Variants in RGS7 observed in about 807,000 individuals in gnomAD.
The protein encoded by RGS7 is regulator of G protein signaling 7.
In RGS7, 27 loss-of-function variants were observed where a neutral mutation model predicts 81.1. The observed-to-expected ratio is 0.33, with a 90% CI of 0.25 to 0.46. The LOEUF (loss-of-function observed/expected upper bound fraction) is 0.46. Ranked by LOEUF, RGS7 falls within the 20% of genes least tolerant of loss-of-function variation. The pLI is 1.00. For synonymous variants in RGS7, 208 were observed against 207.7 expected (o/e 1.00, Z -0.01); for missense variants, 396 against 607.4 (o/e 0.65, Z 3.66).
At chr1:241,023,691 G>A (rs1324364228) in intron 3 of RGS7, among the ~76,000 whole-genome samples, 2 of 152,156 alleles carry the variant, frequency 1.3e-5, no homozygotes, top group African/African-American at 4.8e-5. Context: ...TTCCTTGCCT[G>A]TTTACATTGT....
At chr1:241,066,547 C>A (rs1327098780) in intron 3 of RGS7, among the ~76,000 whole-genome samples, 1 of 152,200 alleles carries the variant, frequency 6.6e-6, no homozygotes, top group Non-Finnish European at 1.5e-5. Context: ...ATTAGCAACA[C>A]TGTGTGCTCA....
intron 2 of RGS7, among the ~76,000 whole-genome samples, chr1:241,311,304 T>C (rs1025678783): frequency 1.3e-5 from 2 of 152,196 alleles, no homozygotes; most frequent in Non-Finnish European, 2.9e-5. Context: ...GCTCTAAAAA[T>C]TTTATCTGTG....
At chr1:240,777,017 G>C (rs751834409) in intron 18 of RGS7, among the ~76,000 whole-genome samples, 4 of 152,188 alleles carry the variant, frequency 2.6e-5, no homozygotes, top group Non-Finnish European at 4.4e-5. Context: ...ATTTGAGACC[G>C]GGCGCAGTGG....
chr1:240,859,045 G>T (rs775934254), intron 9 of RGS7, among the ~76,000 whole-genome samples: 1 of 152,200 alleles, frequency 6.6e-6, no homozygotes, highest in Admixed American at 6.5e-5. Context: ...TTCTGGAAAA[G>T]ATTGTAAAGA....
At chr1:241,087,523 G>A (rs1256194709) in intron 3 of RGS7, among the ~76,000 whole-genome samples, 1 of 152,166 alleles carries the variant, frequency 6.6e-6, no homozygotes, top group Non-Finnish European at 1.5e-5. Context: ...TTAGCAGAGT[G>A]GGTACATGGA....
At chr1:241,250,715 A>C (rs1419339277) in intron 2 of RGS7, among the ~76,000 whole-genome samples, 1 of 152,204 alleles carries the variant, frequency 6.6e-6, no homozygotes, top group Non-Finnish European at 1.5e-5. Context: ...GTGTTTGCAC[A>C]CCTGTCAATG....
chr1:241,310,571 A>C (rs375792864), intron 2 of RGS7, among the ~76,000 whole-genome samples: 2 of 151,364 alleles, frequency 1.3e-5, no homozygotes, highest in African/African-American at 4.9e-5. Context: ...TTTTTTTTAA[A>C]CAATGTACTG....
intron 3 of RGS7, among the ~76,000 whole-genome samples, chr1:241,011,515 G>A (rs1252595506): frequency 2.6e-5 from 4 of 151,160 alleles, no homozygotes; most frequent in Non-Finnish European, 5.9e-5. Context: ...AGTGTGGATT[G>A]AGGGACCTTT....
intron 3 of RGS7, among the ~76,000 whole-genome samples, chr1:241,058,312 G>A (rs1376445405): frequency 2.0e-5 from 3 of 152,320 alleles, no homozygotes; most frequent in Admixed American, 2.0e-4. Context: ...AGTGCTAGCA[G>A]GCCATTGTGT....
intron 3 of RGS7, among the ~76,000 whole-genome samples, chr1:240,997,901 T>A (rs1334730525): frequency 6.6e-6 from 1 of 152,208 alleles, no homozygotes; most frequent in Non-Finnish European, 1.5e-5. Context: ...CCACGTTTTG[T>A]TCTTATCTGA....
rs546928294 is a variant in RGS7 at position 241,022,034 on chromosome 1, T to C, written c.176-38905A>G. 9.2e-5 allele frequency among the ~76,000 whole-genome samples: 14 copies of C among 152,304 alleles called. 2 individuals are homozygous for C. In the South Asian group the frequency reaches 2.9e-3, roughly 32 times the overall value. On this transcript the variant is annotated intron_variant, in intron 3 of 18. Transcript: ENST00000440928. ...AGCTGTGCGGTTAAGACAGCAGATT[T>C]AAACGCAATACAGGGTCCTACGATG...
intron 2 of RGS7, among the ~76,000 whole-genome samples, chr1:241,218,101 C>T (rs2074682892): frequency 6.6e-6 from 1 of 152,076 alleles, no homozygotes; most frequent in Non-Finnish European, 1.5e-5. Context: ...GATGTTCTTC[C>T]TCACCTTCAA....
intron 6 of RGS7, among the ~76,000 whole-genome samples, chr1:240,917,779 T>C (rs1672839571): frequency 1.3e-5 from 2 of 152,160 alleles, no homozygotes; most frequent in Admixed American, 1.3e-4. Context: ...TAATAACCAC[T>C]TTAAATGTGA....
At chr1:240,885,200 C>G (rs376457584) in intron 6 of RGS7, among the ~76,000 whole-genome samples, 39 of 152,182 alleles carry the variant, frequency 2.6e-4, no homozygotes, top group African/African-American at 8.9e-4. Context: ...ACCACAATGA[C>G]ATACCATCTC....
chr1:241,126,648 T>C (rs551923294), intron 2 of RGS7, among the ~76,000 whole-genome samples: 3 of 152,310 alleles, frequency 2.0e-5, no homozygotes, highest in African/African-American at 7.2e-5. Flanking sequence ...CACGGAGTTA[T>C]TATGAGGATC....
intron 10 of RGS7, among the ~76,000 whole-genome samples, chr1:240,819,090 T>C (rs976716453): frequency 2.0e-5 from 3 of 152,204 alleles, no homozygotes; most frequent in African/African-American, 7.2e-5. Flanking sequence ...AGATCACCAA[T>C]TATATAATAG....
Position 241,345,834 on chromosome 1 carries a change from G to A in RGS7, c.78+9865C>T, listed in dbSNP as rs766308062. On this transcript the variant is annotated intron_variant, in intron 2 of 18. Transcript: ENST00000440928. ...AGATTGAGACCATCCTGGCCAACAC[G>A]GTGAAACCCCACCTCTACTAAAATA... is the stretch of plus-strand genomic sequence containing the variant. Among the ~76,000 whole-genome samples the A allele has an allele frequency of 5.3e-5, 8 of 151,998 alleles. No individual in the cohort carries two copies. The East Asian group carries it at 5.8e-4, about 11-fold the overall frequency.
rs964619157 is a variant in RGS7, at chr1:241,340,409, A to G, written c.78+15290T>C. 4.6e-5 allele frequency among the ~76,000 whole-genome samples: 7 copies of G among 152,202 alleles called. No individual in the cohort carries two copies. The South Asian group carries it at 6.2e-4, about 13-fold the overall frequency. On this transcript the variant is annotated intron_variant, in intron 2 of 18. Transcript: ENST00000440928. Reference sequence around the variant, plus strand: ...GAATAAAAGGATGGGGAGACTAAACAAAGCCAAAGAAATAAAATAATAATA... The same window carrying G: ...GAATAAAAGGATGGGGAGACTAAACGAAGCCAAAGAAATAAAATAATAATA...
intron 2 of RGS7, among the ~76,000 whole-genome samples, chr1:241,112,749 A>G (rs1299116486): frequency 6.6e-6 from 1 of 152,220 alleles, no homozygotes; most frequent in Non-Finnish European, 1.5e-5. Context: ...GGGCAAAAGG[A>G]AAAGATTTCT....
Sources: gnomAD v4.1 joint callset for allele counts (sites outside exome capture counted in the v4.1 genomes callset) on GRCh38, gnomAD v4.1.1 for gene constraint, MANE v1.5 for transcripts, NCBI Gene and HGNC (gene_info 2026-07-23, HGNC 2026-07-21) for gene names.